The following PRKG1 variants were observed in gnomAD, a reference collection of about 807,000 sequenced individuals.
PRKG1 encodes the protein cGMP-dependent protein kinase 1.
PRKG1 carries 35 observed loss-of-function variants against 88.1 expected under a neutral mutation model. That is an observed-to-expected ratio of 0.40 (90% CI 0.30 to 0.53). The LOEUF (loss-of-function observed/expected upper bound fraction) is 0.53. Ranked by LOEUF, PRKG1 falls within the 20% of genes least tolerant of loss-of-function variation. The probability of loss-of-function intolerance (pLI) is 0.59; values close to 1 mark genes in which losing one functional copy is unlikely to be tolerated. For missense variants in PRKG1, 540 were observed against 839.8 expected (o/e 0.64, Z 4.41); for synonymous variants, 303 against 292.5 (o/e 1.04, Z -0.37).
intron 3 of PRKG1, among the ~76,000 whole-genome samples, chr10:51,491,221 G>A (rs1382144789): frequency 6.6e-6 from 1 of 152,006 alleles, no homozygotes; most frequent in Non-Finnish European, 1.5e-5. Context: ...ACACATAGAT[G>A]TTGTATTAGT....
intron 1 of PRKG1, among the ~76,000 whole-genome samples, chr10:51,063,810 GAC>G (rs1483322003): frequency 6.6e-6 from 1 of 152,146 alleles, no homozygotes; most frequent in Non-Finnish European, 1.5e-5. Context: ...GTTAAACAAA[GAC>G]ACACGGTGCT....
chr10:52,034,094 GGGGCA>G (rs1845542110), intron 5 of PRKG1, among the ~76,000 whole-genome samples: 1 of 151,864 alleles, frequency 6.6e-6, no homozygotes, highest in South Asian at 2.1e-4. Flanking sequence ...CAGTTAAGGT[GGGGCA>G]GGGCATATTC....
chr10:51,015,923 T>C (rs1005814176), intron 1 of PRKG1, among the ~76,000 whole-genome samples: 1 of 152,104 alleles, frequency 6.6e-6, no homozygotes, highest in Non-Finnish European at 1.5e-5. Flanking sequence ...GGAAGCCCTC[T>C]GAAGGGTCTT....
At chr10:51,882,876 G>A (rs896430255) in intron 4 of PRKG1, among the ~76,000 whole-genome samples, 7 of 152,174 alleles carry the variant, frequency 4.6e-5, no homozygotes, top group Non-Finnish European at 8.8e-5. Flanking sequence ...TTGAGCCGTT[G>A]TTCTCAGTGT....
intron 3 of PRKG1, among the ~76,000 whole-genome samples, chr10:51,768,442 C>A (rs1333855069): frequency 1.3e-5 from 2 of 151,946 alleles, no homozygotes; most frequent in East Asian, 3.9e-4. Context: ...TTTATAGAGA[C>A]CACACATAGA....
intron 2 of PRKG1, among the ~76,000 whole-genome samples, chr10:51,269,855 A>T (rs1839931567): frequency 6.6e-6 from 1 of 152,190 alleles, no homozygotes; most frequent in South Asian, 2.1e-4. Flanking sequence ...TTCCCCAAAA[A>T]CTATTGAAAT....
chr10:52,000,541 C>T (rs574924166), intron 5 of PRKG1, among the ~76,000 whole-genome samples: 3 of 151,970 alleles, frequency 2.0e-5, no homozygotes, highest in South Asian at 2.1e-4. Context: ...TATTGTGGTG[C>T]GTAGTTTGAG....
intron 4 of PRKG1, among the ~76,000 whole-genome samples, chr10:51,819,195 G>A (rs1267057092): frequency 6.6e-6 from 1 of 151,992 alleles, no homozygotes; most frequent in Non-Finnish European, 1.5e-5. Flanking sequence ...GAGAAGGTAT[G>A]TATAGAGATC....
intron 9 of PRKG1, among the ~76,000 whole-genome samples, chr10:52,188,865 C>T (rs1839289623): frequency 6.6e-6 from 1 of 152,098 alleles, no homozygotes; most frequent in Admixed American, 6.5e-5. Context: ...AAGAACAGTA[C>T]ATCATTATTG....
chr10:51,339,067 A>G (rs1015143187), intron 2 of PRKG1, among the ~76,000 whole-genome samples: 3 of 152,232 alleles, frequency 2.0e-5, no homozygotes, highest in African/African-American at 7.2e-5. Flanking sequence ...GGGAATTCCC[A>G]TAAGTAGTCT....
At chr10:51,520,001 G>A (rs1042501069) in intron 3 of PRKG1, among the ~76,000 whole-genome samples, 2 of 152,074 alleles carry the variant, frequency 1.3e-5, no homozygotes, top group African/African-American at 4.8e-5. Context: ...TAAGGTGCAT[G>A]CTATATTTAT....
chr10:51,607,551 TC>T (rs1229938627), intron 3 of PRKG1, among the ~76,000 whole-genome samples: 1 of 152,166 alleles, frequency 6.6e-6, no homozygotes, highest in Non-Finnish European at 1.5e-5. Context: ...TGTCTCTCAT[TC>T]CCATGTCCCA....
At chr10:51,735,256 T>G (rs1192951834) in intron 3 of PRKG1, among the ~76,000 whole-genome samples, 2 of 152,176 alleles carry the variant, frequency 1.3e-5, no homozygotes, top group African/African-American at 4.8e-5. Context: ...AAGTGAAAAT[T>G]CCTTGCGCAG....
chr10:51,576,809 A>T (rs1364538374), intron 3 of PRKG1, among the ~76,000 whole-genome samples: 3 of 151,834 alleles, frequency 2.0e-5, no homozygotes, highest in African/African-American at 7.3e-5. Context: ...TCTAAATGTG[A>T]TAGTAATTTT....
At chr10:51,342,908 AAGTT>A (rs1842033180) in intron 2 of PRKG1, among the ~76,000 whole-genome samples, 1 of 152,206 alleles carries the variant, frequency 6.6e-6, no homozygotes, top group Non-Finnish European at 1.5e-5. Context: ...CTTGGATTAA[AAGTT>A]AGGAGGGGTT....
chr10:51,113,944 C>CGTGTGT (rs35562284), intron 1 of PRKG1, among the ~76,000 whole-genome samples: 3,927 of 139,074 alleles, frequency 0.028, 89 homozygotes, highest in East Asian at 0.058. Context: ...AGCCTGTAAA[C>CGTGTGT]GTGTGTGTGT....
At chr10:51,781,117 T>C (rs1371081646) in intron 3 of PRKG1, among the ~76,000 whole-genome samples, 1 of 152,140 alleles carries the variant, frequency 6.6e-6, no homozygotes, top group Non-Finnish European at 1.5e-5. Context: ...GAATAATTGT[T>C]GCTAAAACAA....
At chr10:51,813,762 T>C (rs1389400350) in intron 4 of PRKG1, among the ~76,000 whole-genome samples, 1 of 152,122 alleles carries the variant, frequency 6.6e-6, no homozygotes, top group Non-Finnish European at 1.5e-5. Context: ...ATTTCAGCCT[T>C]AGGTTGATTT....
intron 4 of PRKG1, among the ~76,000 whole-genome samples, chr10:51,860,119 C>T (rs755300710): frequency 4.6e-5 from 7 of 152,084 alleles, no homozygotes; most frequent in Non-Finnish European, 1.0e-4. Context: ...AATAAGTACC[C>T]TAAAGGCATA....
Sources: gnomAD v4.1 joint callset for allele counts (sites outside exome capture counted in the v4.1 genomes callset) on GRCh38, gnomAD v4.1.1 for gene constraint, MANE v1.5 for transcripts, NCBI Gene and HGNC (gene_info 2026-07-23, HGNC 2026-07-21) for gene names.